Variants in SPAG16 observed in about 807,000 individuals in gnomAD.
The protein encoded by SPAG16 is sperm associated antigen 16, also known as sperm-associated antigen 16 protein.
Under a neutral mutation model 80.4 loss-of-function variants are expected in SPAG16, and 86 were observed. The ratio of observed to expected loss-of-function variants is 1.07; its 90% CI spans 0.90 to 1.28. The LOEUF (loss-of-function observed/expected upper bound fraction) is 1.28. Ranked by LOEUF, SPAG16 falls within the 50% of genes most tolerant of loss-of-function variation. The pLI, the probability that SPAG16 is intolerant of heterozygous loss-of-function variation, is 0.00. For synonymous variants in SPAG16, 294 were observed against 265.9 expected (o/e 1.11, Z -1.03); for missense variants, 870 against 765.3 (o/e 1.14, Z -1.61).
rs1491310920 is a variant in SPAG16 at position 213,833,566 on chromosome 2, A to AC, written c.1071-28919_1071-28918insC. ...TATATATAATATATATAATATATAT[A>AC]ATATATATATAATATATATATTATA... On this transcript the variant is annotated intron_variant, in intron 10 of 15. Coordinates refer to ENST00000331683, the MANE Select transcript of SPAG16 (RefSeq NM_024532.5). Among the ~76,000 whole-genome samples, 2 of 11,368 alleles carry AC rather than the reference A, an allele frequency of 1.8e-4. 1 individual carries two copies. Among genetic ancestry groups the AC allele is most frequent in the African/African-American group, 5.3e-4 (2 of 3,782 alleles). 7.5% of individuals were successfully genotyped at this position (11,368 alleles called of 152,430 possible). A position where few individuals can be genotyped will look rare whatever the true frequency, so the allele number is the denominator to read the frequency against.
At chr2:214,320,005 C>T (rs778190303) in intron 15 of SPAG16, among the ~76,000 whole-genome samples, 2 of 152,198 alleles carry the variant, frequency 1.3e-5, no homozygotes, top group Non-Finnish European at 2.9e-5. Context: ...CAAAATTACA[C>T]ACAGGATACA....
At chr2:214,116,717 C>T (rs2053952302) in intron 14 of SPAG16, among the ~76,000 whole-genome samples, 1 of 152,206 alleles carries the variant, frequency 6.6e-6, no homozygotes, top group Non-Finnish European at 1.5e-5. Context: ...CTTAAGTCTT[C>T]CCCAGGTCCA....
chr2:213,819,469 CTT>C (rs1207296544), intron 10 of SPAG16, among the ~76,000 whole-genome samples: 1 of 151,900 alleles, frequency 6.6e-6, no homozygotes, highest in Non-Finnish European at 1.5e-5. Context: ...TATGTTCACT[CTT>C]ATATTCTCAG....
At chr2:214,368,882 A>G (rs898301150) in intron 15 of SPAG16, among the ~76,000 whole-genome samples, 2 of 152,080 alleles carry the variant, frequency 1.3e-5, no homozygotes, top group African/African-American at 4.8e-5. Flanking sequence ...TCTTAATTTT[A>G]CAATTCTTTA....
intron 10 of SPAG16, among the ~76,000 whole-genome samples, chr2:213,615,912 G>A (rs1269959483): frequency 6.6e-6 from 1 of 152,088 alleles, no homozygotes; most frequent in African/African-American, 2.4e-5. Flanking sequence ...GGCAAGGGGA[G>A]GGATAGCATT....
intron 10 of SPAG16, among the ~76,000 whole-genome samples, chr2:213,529,089 T>G (rs558735396): frequency 9.8e-5 from 15 of 152,304 alleles, no homozygotes; most frequent in African/African-American, 3.6e-4. Flanking sequence ...TTAATTTTTA[T>G]TGACACATTA....
intron 8 of SPAG16, 112 bp from the exon 9 acceptor site, chr2:213,374,898 A>T (rs922651811): frequency 1.4e-6 from 1 of 731,284 alleles, no homozygotes; most frequent in Admixed American, 3.1e-5. Context: ...AATTTAATGA[A>T]TTTTTTAAAA....
At chr2:213,605,257 C>A (rs2061215974) in intron 10 of SPAG16, among the ~76,000 whole-genome samples, 1 of 147,442 alleles carries the variant, frequency 6.8e-6, no homozygotes, top group Non-Finnish European at 1.5e-5. Flanking sequence ...TCTATAAATA[C>A]TTTGGAATGC....
chr2:214,314,287 G>A (rs1300446154), intron 15 of SPAG16, among the ~76,000 whole-genome samples: 2 of 152,132 alleles, frequency 1.3e-5, no homozygotes, highest in African/African-American at 2.4e-5. Flanking sequence ...TATGGTTGTA[G>A]CTGCCTAGTG....
chr2:213,786,910 A>G (rs1053921301), intron 10 of SPAG16, among the ~76,000 whole-genome samples: 13 of 152,186 alleles, frequency 8.5e-5, no homozygotes, highest in African/African-American at 3.1e-4. Flanking sequence ...AGTTAAAACA[A>G]TTCTAATAAT....
intron 9 of SPAG16, among the ~76,000 whole-genome samples, chr2:213,418,253 C>T (rs1341562738): frequency 6.6e-6 from 1 of 151,960 alleles, no homozygotes; most frequent in South Asian, 2.1e-4. Context: ...TTATATCCAT[C>T]TACACACACA....
intron 5 of SPAG16, among the ~76,000 whole-genome samples, chr2:213,330,073 A>G (rs1035050522): frequency 6.6e-6 from 1 of 152,266 alleles, no homozygotes; most frequent in African/African-American, 2.4e-5. Context: ...CTGGATGCCC[A>G]GGCAGAAGTT....
chr2:213,817,711 C>T (rs1163641468), intron 10 of SPAG16, among the ~76,000 whole-genome samples: 3 of 152,032 alleles, frequency 2.0e-5, no homozygotes, highest in Non-Finnish European at 4.4e-5. Context: ...AGTGAATTAA[C>T]ACAGGAACAG....
At chr2:214,376,143 G>A (rs1404440281) in intron 15 of SPAG16, among the ~76,000 whole-genome samples, 1 of 152,052 alleles carries the variant, frequency 6.6e-6, no homozygotes, top group Non-Finnish European at 1.5e-5. Flanking sequence ...AGGAAAATAT[G>A]TGACAAATTG....
intron 10 of SPAG16, among the ~76,000 whole-genome samples, chr2:213,548,337 C>T (rs1467823580): frequency 2.6e-5 from 4 of 152,066 alleles, no homozygotes; most frequent in African/African-American, 9.7e-5. Context: ...CTCAGCCTCG[C>T]GGGTAGCTGG....
chr2:213,709,488 A>ATGTTTCATAGGT (rs2065892981), intron 10 of SPAG16, among the ~76,000 whole-genome samples: 1 of 152,198 alleles, frequency 6.6e-6, no homozygotes, highest in South Asian at 2.1e-4. Flanking sequence ...GTTTTAAATT[A>ATGTTTCATAGGT]TGTTTCATGT....
chr2:213,919,216 A>C (rs1451546003), intron 11 of SPAG16, among the ~76,000 whole-genome samples: 2 of 151,694 alleles, frequency 1.3e-5, no homozygotes, highest in Non-Finnish European at 2.9e-5. Flanking sequence ...GTATCTTATT[A>C]AGTTTTTTAA....
intron 13 of SPAG16, among the ~76,000 whole-genome samples, chr2:214,097,182 A>AT (rs1413523215): frequency 6.6e-6 from 1 of 152,024 alleles, no homozygotes; most frequent in Non-Finnish European, 1.5e-5. Context: ...AAGTAGGAGA[A>AT]TTTTTTCTTG....
At chr2:213,919,277 A>G (rs912421072) in intron 11 of SPAG16, among the ~76,000 whole-genome samples, 1 of 151,812 alleles carries the variant, frequency 6.6e-6, no homozygotes, top group African/African-American at 2.4e-5. Flanking sequence ...GTTTTTTCAT[A>G]TCTCAATCTC....
Sources: gnomAD v4.1 joint callset for allele counts (sites outside exome capture counted in the v4.1 genomes callset) on GRCh38, gnomAD v4.1.1 for gene constraint, MANE v1.5 for transcripts, NCBI Gene and HGNC (gene_info 2026-07-23, HGNC 2026-07-21) for gene names.